The following SUPT3H variants were observed in gnomAD, a reference collection of about 807,000 sequenced individuals.
SUPT3H encodes the protein SPT3 homolog, SAGA and STAGA complex component, also known as transcription initiation protein SPT3 homolog.
Under a neutral mutation model 44.3 loss-of-function variants are expected in SUPT3H, and 44 were observed. The ratio of observed to expected loss-of-function variants is 0.99; its 90% CI spans 0.78 to 1.28. The LOEUF is 1.28. SUPT3H is among the 50% of genes most tolerant of loss of function. The pLI is 0.00. For missense variants in SUPT3H, 380 were observed against 387.1 expected (o/e 0.98, Z 0.15); for synonymous variants, 124 against 125.6 (o/e 0.99, Z 0.09).
chr6:45,214,332 A>G, intron 2 of SUPT3H, among the ~76,000 whole-genome samples: 1 of 152,164 alleles, frequency 6.6e-6, no homozygotes, highest in South Asian at 2.1e-4. Flanking sequence ...TGTGATTGAC[A>G]GTATTCAGAA....
intron 10 of SUPT3H, among the ~76,000 whole-genome samples, chr6:44,853,541 G>C (rs1773238775): frequency 6.6e-6 from 1 of 152,136 alleles, no homozygotes; most frequent in South Asian, 2.1e-4. Context: ...GTGTACAGGA[G>C]GAAACAATGC....
chr6:45,070,759 A>AAAG (rs1406321026), intron 3 of SUPT3H, among the ~76,000 whole-genome samples: 8 of 150,942 alleles, frequency 5.3e-5, no homozygotes, highest in Non-Finnish European at 8.9e-5. Context: ...AAAAAAAAAA[A>AAAG]GAAATGCTTT....
At chr6:44,901,436 A>C (rs1027561853) in intron 10 of SUPT3H, among the ~76,000 whole-genome samples, 6 of 152,360 alleles carry the variant, frequency 3.9e-5, no homozygotes, top group African/African-American at 1.4e-4. Context: ...ATGGAAGATC[A>C]AATGAATGAA....
At chr6:44,989,154 T>G (rs1342668845) in intron 6 of SUPT3H, among the ~76,000 whole-genome samples, 14 of 152,060 alleles carry the variant, frequency 9.2e-5, no homozygotes, top group Non-Finnish European at 1.6e-4. Context: ...ATGACTGATA[T>G]CCCAAGGAAA....
chr6:45,253,862 TATATATATATAC>T (rs922067913), intron 2 of SUPT3H, among the ~76,000 whole-genome samples: 4 of 138,394 alleles, frequency 2.9e-5, no homozygotes, highest in African/African-American at 1.1e-4. Flanking sequence ...TATATATATA[TATATATATATAC>T]ACACACACAG....
intron 2 of SUPT3H, among the ~76,000 whole-genome samples, chr6:45,271,615 A>G (rs1280477235): frequency 1.3e-5 from 2 of 152,154 alleles, no homozygotes. Flanking sequence ...CAGGGCCCTC[A>G]TGGAGAACCT....
Position 44,944,762 on chromosome 6 carries a change from C to CAAA in SUPT3H, c.801+8545_801+8547dup, listed in dbSNP as rs57506313. ...GGGAGACAAAGCAAGACCCTCTCTC[C>CAAA]AAAAAAAAAAAAAAAAAAAAAAAGA... On this transcript the variant is annotated intron_variant, in intron 9 of 10. Transcript: ENST00000371459. Among the ~76,000 whole-genome samples the CAAA allele has an allele frequency of 4.7e-4, 14 of 29,890 alleles. 2 individuals carry two copies. Among genetic ancestry groups the CAAA allele is most frequent in the African/African-American group, 5.6e-4 (7 of 12,556 alleles). 19.6% of individuals were successfully genotyped at this position (29,890 alleles called of 152,430 possible).
intron 2 of SUPT3H, among the ~76,000 whole-genome samples, chr6:45,245,261 A>C (rs763341684): frequency 6.6e-6 from 1 of 152,178 alleles, no homozygotes; most frequent in Non-Finnish European, 1.5e-5. Context: ...ATTAAAATAC[A>C]AGTGAACTTT....
intron 2 of SUPT3H, among the ~76,000 whole-genome samples, chr6:45,325,006 T>C (rs1028779928): frequency 5.9e-5 from 9 of 151,806 alleles, no homozygotes; most frequent in African/African-American, 2.2e-4. Context: ...ATAGATCCCG[T>C]GTAAGCTTAA....
chr6:45,328,444 C>T (rs375345686), intron 2 of SUPT3H: 62 of 1,460,270 alleles, frequency 4.2e-5, no homozygotes, highest in East Asian at 1.6e-4. Context: ...TACCAGCCAC[C>T]GAGACCAACA....
intron 2 of SUPT3H, among the ~76,000 whole-genome samples, chr6:45,270,464 C>T (rs537421840): frequency 9.2e-5 from 14 of 152,240 alleles, no homozygotes; most frequent in South Asian, 4.1e-4. Flanking sequence ...CGAGATCTGA[C>T]GGTTTGATAA....
At chr6:45,076,364 A>G (rs1228985961) in intron 3 of SUPT3H, among the ~76,000 whole-genome samples, 1 of 152,204 alleles carries the variant, frequency 6.6e-6, no homozygotes, top group Non-Finnish European at 1.5e-5. Flanking sequence ...GCTGGTTTTG[A>G]TCAGCTTCCT....
At chr6:45,010,412 G>A (rs551651757) in intron 5 of SUPT3H, among the ~76,000 whole-genome samples, 15 of 152,134 alleles carry the variant, frequency 9.9e-5, no homozygotes, top group African/African-American at 3.4e-4. Context: ...TCTTGTTCCC[G>A]ATCTTATAAG....
intron 2 of SUPT3H, among the ~76,000 whole-genome samples, chr6:45,236,826 T>C (rs538509037): frequency 9.9e-5 from 15 of 152,158 alleles, no homozygotes; most frequent in Non-Finnish European, 1.9e-4. Context: ...AAGCGATTAA[T>C]CAATATGGAC....
intron 7 of SUPT3H, among the ~76,000 whole-genome samples, chr6:44,956,038 T>C (rs505440): frequency 0.98 from 148,374 of 151,590 alleles, 72,620 homozygotes; most frequent in Middle Eastern, 1. Flanking sequence ...AGGAGAATGG[T>C]GTGAACCTGG....
intron 2 of SUPT3H, among the ~76,000 whole-genome samples, chr6:45,356,460 C>T (rs1414157351): frequency 6.6e-6 from 1 of 151,902 alleles, no homozygotes; most frequent in Non-Finnish European, 1.5e-5. Context: ...TGCAGTGGCG[C>T]AATCTCAGCT....
chr6:45,145,788 A>T (rs1330837185), intron 2 of SUPT3H, among the ~76,000 whole-genome samples: 1 of 152,132 alleles, frequency 6.6e-6, no homozygotes, highest in Non-Finnish European at 1.5e-5. Context: ...TAATATCGAG[A>T]ATCTACAATG....
intron 2 of SUPT3H, among the ~76,000 whole-genome samples, chr6:45,178,321 C>T: frequency 6.6e-6 from 1 of 151,394 alleles, no homozygotes. Flanking sequence ...AGAGACAAGG[C>T]CATTACATAA....
chr6:44,929,526 T>C (rs771627833), intron 10 of SUPT3H, among the ~76,000 whole-genome samples: 21 of 152,182 alleles, frequency 1.4e-4, no homozygotes, highest in Non-Finnish European at 2.6e-4. Flanking sequence ...TTTTAATTTA[T>C]GAAGTACATT....
Sources: allele counts gnomAD v4.1 joint callset (sites outside exome capture counted in the v4.1 genomes callset), GRCh38; gene constraint gnomAD v4.1.1; transcripts MANE v1.5; gene names NCBI Gene and HGNC (gene_info 2026-07-23, HGNC 2026-07-21).